VIPAS39: variants seen among roughly 807,000 people sequenced by gnomAD.
VIPAS39 encodes the protein spermatogenesis-defective protein 39 homolog.
A neutral mutation model predicts 84.7 loss-of-function variants in VIPAS39; 63 were observed. That is an observed-to-expected ratio of 0.74 (90% confidence interval 0.61 to 0.92). The LOEUF is 0.92. VIPAS39 is among the 40% of genes least tolerant of loss of function. The pLI is 0.00. For missense variants in VIPAS39, 499 were observed against 604.5 expected (o/e 0.83, Z 1.83); for synonymous variants, 192 against 216.5 (o/e 0.89, Z 0.99).
intron 10 of VIPAS39, 177 bp from the exon 11 acceptor site, chr14:77,441,270 A>G: frequency 1.5e-6 from 1 of 680,920 alleles, no homozygotes; most frequent in East Asian, 3.2e-5. Context: ...CTGAACAAAA[A>G]GCAAGGACAA....
chr14:77,455,599 A>G (rs141086996), intron 1 of VIPAS39, among the ~76,000 whole-genome samples: 4,228 of 152,308 alleles, frequency 0.028, 87 homozygotes, highest in South Asian at 0.049. Context: ...ACCAAAAATA[A>G]CTGTAAAGGC....
chr14:77,427,989 C>T (rs2078456784), intron 19 of VIPAS39, among the ~76,000 whole-genome samples: 1 of 152,198 alleles, frequency 6.6e-6, no homozygotes, highest in Non-Finnish European at 1.5e-5. Flanking sequence ...TAGCTAACAT[C>T]TATTTCACCC....
chr14:77,430,741 G>T (rs2078509547), intron 16 of VIPAS39, among the ~76,000 whole-genome samples: 1 of 151,494 alleles, frequency 6.6e-6, no homozygotes, highest in East Asian at 1.9e-4. Context: ...AAAAAAAAGG[G>T]GGGGTAGGGG....
chr14:77,438,769 T>C (rs950253775), intron 11 of VIPAS39, among the ~76,000 whole-genome samples: 2 of 152,368 alleles, frequency 1.3e-5, no homozygotes, highest in East Asian at 1.9e-4. Context: ...AGTATGATCA[T>C]GTAAATATCT....
At chr14:77,438,331 C>T (rs542834154) in intron 11 of VIPAS39, among the ~76,000 whole-genome samples, 7 of 151,654 alleles carry the variant, frequency 4.6e-5, no homozygotes, top group Non-Finnish European at 7.4e-5. Flanking sequence ...CAGGTTCAAG[C>T]GATTCTCCTG....
intron 7 of VIPAS39, among the ~76,000 whole-genome samples, chr14:77,445,273 T>A (rs947764705): frequency 6.6e-6 from 1 of 152,268 alleles, no homozygotes; most frequent in African/African-American, 2.4e-5. Context: ...TCTCATAGTT[T>A]CAACTCACAT....
At chr14:77,437,554 T>C (rs906736415) in intron 12 of VIPAS39, among the ~76,000 whole-genome samples, 23 of 152,158 alleles carry the variant, frequency 1.5e-4, no homozygotes, top group African/African-American at 5.6e-4. Flanking sequence ...ACCTTTCAAA[T>C]TAAATAAATT....
intron 9 of VIPAS39, 141 bp downstream of exon 9, chr14:77,442,978 G>A: frequency 9.1e-7 from 1 of 1,104,724 alleles, no homozygotes; most frequent in South Asian, 1.3e-5. Flanking sequence ...GATGTGATTT[G>A]TGCTCTGAAG....
At chr14:77,434,760 G>C (rs1010772666) in intron 14 of VIPAS39, among the ~76,000 whole-genome samples, 2 of 151,844 alleles carry the variant, frequency 1.3e-5, no homozygotes, top group African/African-American at 4.8e-5. Flanking sequence ...TTAGCGGGGA[G>C]TGGTGGCGCA....
At chr14:77,446,628 C>G (rs2078794955) in intron 7 of VIPAS39, among the ~76,000 whole-genome samples, 1 of 152,082 alleles carries the variant, frequency 6.6e-6, no homozygotes, top group South Asian at 2.1e-4. Context: ...GGATCTAGAA[C>G]AGCCAAAACA....
At chr14:77,448,666 G>A (rs1207695693) in intron 6 of VIPAS39, 116 bp from the exon 7 acceptor site, 2 of 1,118,286 alleles carry the variant, frequency 1.8e-6, no homozygotes, top group African/African-American at 1.5e-5. Context: ...TTTGTGGGAG[G>A]GAATGGATGT....
Position 77,442,672 on chromosome 14 carries a change from A to C in VIPAS39, c.632-10T>G. The C allele has an allele frequency of 6.2e-7, 1 of 1,613,518 alleles. No individual in the cohort carries two copies. The highest frequency in any genetic ancestry group is 8.5e-7 in the Non-Finnish European group (1 of 1,179,464). Reference sequence around the variant, plus strand: ...TCTCGGAAGAGGATCTCTGTCAGACAGTCAGGAGTTAAGTTGAGAAAGATT... The same window carrying C: ...TCTCGGAAGAGGATCTCTGTCAGACCGTCAGGAGTTAAGTTGAGAAAGATT... On this transcript the variant is annotated splice_polypyrimidine_tract_variant and intron_variant, in intron 9 of 19. Coordinates refer to ENST00000557658, the MANE Select transcript of VIPAS39 (RefSeq NM_001193315.2).
At chr14:77,438,529 C>G (rs2078651807) in intron 11 of VIPAS39, among the ~76,000 whole-genome samples, 1 of 152,338 alleles carries the variant, frequency 6.6e-6, no homozygotes. Context: ...ACGCCCGGCC[C>G]AAATATGGAA....
chr14:77,453,547 C>A, intron 2 of VIPAS39, 146 bp from the exon 3 acceptor site: 1 of 804,284 alleles, frequency 1.2e-6, no homozygotes. Flanking sequence ...TACATATTTG[C>A]CAAGAAAACA....
At chr14:77,435,631 TGAA>T (rs2078598589) in intron 13 of VIPAS39, among the ~76,000 whole-genome samples, 1 of 152,036 alleles carries the variant, frequency 6.6e-6, no homozygotes, top group South Asian at 2.1e-4. Context: ...AGATTCGGGA[TGAA>T]GAAGAAATAC....
chr14:77,434,002 G>C, intron 15 of VIPAS39, 71 bp from the exon 16 acceptor site: 1 of 1,503,822 alleles, frequency 6.6e-7, no homozygotes, highest in Non-Finnish European at 9.2e-7. Context: ...AAGAATTTTA[G>C]AAAAGACAGA....
At chr14:77,442,861 C>T (rs1421926491) in intron 9 of VIPAS39, among the ~76,000 whole-genome samples, 199 bp from the exon 10 acceptor site, 5 of 152,196 alleles carry the variant, frequency 3.3e-5, no homozygotes, top group Non-Finnish European at 7.3e-5. Context: ...TTCACACCAA[C>T]CCAAACAGCA....
intron 7 of VIPAS39, among the ~76,000 whole-genome samples, chr14:77,447,817 C>T (rs543428932): frequency 3.8e-4 from 58 of 151,984 alleles, no homozygotes; most frequent in Non-Finnish European, 5.4e-4. Flanking sequence ...CACGCCACCA[C>T]GCCCGCCTAA....
intron 2 of VIPAS39, 80 bp from the exon 3 acceptor site, chr14:77,453,481 A>T: frequency 7.2e-7 from 1 of 1,381,090 alleles, no homozygotes; most frequent in Non-Finnish European, 1.0e-6. Context: ...AAGGCTGAGG[A>T]ATTGGGGCCT....
Sources: allele counts gnomAD v4.1 joint callset (sites outside exome capture counted in the v4.1 genomes callset), GRCh38; gene constraint gnomAD v4.1.1; transcripts MANE v1.5; gene names NCBI Gene and HGNC (gene_info 2026-07-23, HGNC 2026-07-21).